DST: variants seen among roughly 807,000 people sequenced by gnomAD.
The protein encoded by DST is bullous pemphigoid antigen.
DST carries 253 observed loss-of-function variants against 875.2 expected under a neutral mutation model. That is an observed-to-expected ratio of 0.29 (90% CI 0.26 to 0.32). The LOEUF (loss-of-function observed/expected upper bound fraction) is 0.32, where lower values mean the gene tolerates loss of function less well. Ranked by LOEUF, DST falls within the 10% of genes least tolerant of loss-of-function variation. DST has a pLI of 1.00. For missense variants in DST, 8,287 were observed against 9,111.6 expected (o/e 0.91, Z 3.68); for synonymous variants, 3,124 against 3,197.1 (o/e 0.98, Z 0.77).
intron 3 of DST, among the ~76,000 whole-genome samples, chr6:56,900,017 C>T (rs996729621): frequency 6.6e-6 from 1 of 151,118 alleles, no homozygotes; most frequent in South Asian, 2.1e-4. Context: ...TGCTACTGCC[C>T]AAGACTCCAG....
intron 2 of DST, among the ~76,000 whole-genome samples, chr6:56,910,009 T>G (rs1798176339): frequency 6.6e-6 from 1 of 152,220 alleles, no homozygotes; most frequent in South Asian, 2.1e-4. Flanking sequence ...TCAGAGAGAA[T>G]GTATTCCCTG....
intron 4 of DST, among the ~76,000 whole-genome samples, chr6:56,780,675 T>C (rs1162342360): frequency 2.0e-5 from 3 of 151,560 alleles, no homozygotes; most frequent in Admixed American, 6.6e-5. Flanking sequence ...ATTTTGTAGG[T>C]TGCCTGTTCA....
intron 22 of DST, chr6:56,638,930 G>A: frequency 2.8e-6 from 1 of 361,248 alleles, no homozygotes; most frequent in South Asian, 2.8e-5. Flanking sequence ...GGAAAATGAG[G>A]CTTGGCAATA....
chr6:56,593,561 TCCTGTTTTGGATTTTAGGTTTCTTGC>T, intron 48 of DST, 76 bp downstream of exon 48: 1 of 778,562 alleles, frequency 1.3e-6, no homozygotes, highest in Middle Eastern at 2.6e-4. Flanking sequence ...TACCTTTTCC[TCCTGTTTTGGATTTTAGGTTTCTTGC>T]CTCTTGTTCC....
At chr6:56,757,983 A>G (rs3002009) in intron 4 of DST, among the ~76,000 whole-genome samples, 38,219 of 152,180 alleles carry the variant, frequency 0.25, 6,592 homozygotes, top group African/African-American at 0.49. Context: ...ATGCTTTCCA[A>G]CAAACCTACT....
intron 2 of DST, among the ~76,000 whole-genome samples, chr6:56,932,505 G>A (rs969430699): frequency 1.3e-5 from 2 of 152,094 alleles, no homozygotes; most frequent in Non-Finnish European, 2.9e-5. Context: ...AGGCAGCCGG[G>A]AGGCAAGAGA....
At chr6:56,517,115 G>A in intron 71 of DST, 83 bp downstream of exon 71, 1 of 976,664 alleles carries the variant, frequency 1.0e-6, no homozygotes, top group South Asian at 1.4e-5. Context: ...GTGGATAACG[G>A]AGAAGTGTTT....
At chr6:56,527,131 T>C (rs527499107) in intron 68 of DST, among the ~76,000 whole-genome samples, 3 of 152,308 alleles carry the variant, frequency 2.0e-5, no homozygotes, top group East Asian at 1.9e-4. Flanking sequence ...ACGTTTGTGA[T>C]ATAATTAGAA....
chr6:56,644,881 A>G (rs1320667528), intron 15 of DST, among the ~76,000 whole-genome samples: 3 of 152,170 alleles, frequency 2.0e-5, no homozygotes, highest in Non-Finnish European at 2.9e-5. Context: ...TCATGTGTCA[A>G]GTGTGGGGCC....
chr6:56,882,445 CA>C (rs1782664379), intron 3 of DST, among the ~76,000 whole-genome samples: 1 of 152,226 alleles, frequency 6.6e-6, no homozygotes, highest in African/African-American at 2.4e-5. Flanking sequence ...ATAAAATTCA[CA>C]GATAATTCTA....
At chr6:56,501,946 T>C (rs2096142059) in intron 78 of DST, among the ~76,000 whole-genome samples, 1 of 152,136 alleles carries the variant, frequency 6.6e-6, no homozygotes, top group Non-Finnish European at 1.5e-5. Context: ...CATTTCATTT[T>C]GTTCTCTACA....
rs1004166955 is a variant in DST, at chr6:56,602,057, T to C, written c.11308-381A>G. ...ATTTACAACATCCATGTAATTGTGGTAAGATATAAATAATACTTTGAGGGA... is the reference window on the plus strand; with the variant it reads ...ATTTACAACATCCATGTAATTGTGGCAAGATATAAATAATACTTTGAGGGA... On this transcript the variant is annotated intron_variant, in intron 43 of 103. Coordinates refer to ENST00000680361, the MANE Select transcript of DST (RefSeq NM_001374736.1). 9.9e-6 allele frequency: 4 copies of C among 404,404 alleles called. No individual in the cohort carries two copies. The Admixed American group carries it at 1.4e-4, about 15-fold the overall frequency. The allele number at this position is 404,404 out of a possible 1,614,324, so 25.1% of individuals were successfully genotyped here. A position where few individuals can be genotyped will look rare whatever the true frequency, so the allele number is the denominator to read the frequency against.
At chr6:56,796,286 CAAGA>C (rs1462693864) in intron 4 of DST, among the ~76,000 whole-genome samples, 1 of 152,090 alleles carries the variant, frequency 6.6e-6, no homozygotes, top group Non-Finnish European at 1.5e-5. Context: ...GAAAGTCATG[CAAGA>C]AAGAAACAGT....
intron 5 of DST, among the ~76,000 whole-genome samples, chr6:56,706,758 T>C (rs2099341125): frequency 6.6e-6 from 1 of 152,060 alleles, no homozygotes; most frequent in South Asian, 2.1e-4. Flanking sequence ...CCCCAGCACT[T>C]TGGAGGCCAA....
Position 56,482,950 on chromosome 6 carries a change from T to C in DST, c.21208-73A>G, listed in dbSNP as rs552878162. ...ACAGCAACACATACTGTTTGAGATA[T>C]ATATGTGCACATAACATCATGTAAA... On this transcript the variant is annotated intron_variant, in intron 88 of 103. Transcript: ENST00000680361. The C allele has an allele frequency of 1.9e-4, 220 of 1,179,616 alleles. 4 individuals carry two copies. The South Asian group carries it at 2.2e-3, about 12-fold the overall frequency. The allele number at this position is 1,179,616 out of a possible 1,614,324, so 73.1% of individuals were successfully genotyped here. A position where few individuals can be genotyped will look rare whatever the true frequency, so the allele number is the denominator to read the frequency against.
chr6:56,665,179 T>A (rs914240517), intron 10 of DST, among the ~76,000 whole-genome samples: 2 of 152,200 alleles, frequency 1.3e-5, no homozygotes, highest in Non-Finnish European at 2.9e-5. Flanking sequence ...CTTAAGTTGT[T>A]ATGAGTTGTT....
At chr6:56,512,456 G>A (rs986536733) in intron 72 of DST, among the ~76,000 whole-genome samples, 2 of 152,190 alleles carry the variant, frequency 1.3e-5, no homozygotes, top group African/African-American at 4.8e-5. Flanking sequence ...CCTCTGTGCA[G>A]CATTGAGGGG....
rs199503654 is a variant in DST at position 56,734,885 on chromosome 6, G to GA, written c.687+342dup. On this transcript the variant is annotated intron_variant, in intron 5 of 103. Coordinates refer to ENST00000680361, the MANE Select transcript of DST (RefSeq NM_001374736.1). The stretch of plus-strand genomic sequence containing the variant: ...AGAACTTGGTTTGAATCTTGAGAGA[G>GA]AAAAAAAATCTTACTAAGAAATGTA... Among the ~76,000 whole-genome samples the GA allele has an allele frequency of 7.8e-3, 1,192 of 151,894 alleles. 16 individuals are homozygous for GA. The highest frequency in any genetic ancestry group is 0.027 in the African/African-American group (1,127 of 41,402).
chr6:56,668,752 G>A (rs2099084742), intron 10 of DST, among the ~76,000 whole-genome samples: 2 of 151,534 alleles, frequency 1.3e-5, no homozygotes, highest in Admixed American at 6.6e-5. Context: ...GGGGCAACAA[G>A]AACAAAATTC....
Sources: gnomAD v4.1 joint callset for allele counts (sites outside exome capture counted in the v4.1 genomes callset) on GRCh38, gnomAD v4.1.1 for gene constraint, MANE v1.5 for transcripts, NCBI Gene and HGNC (gene_info 2026-07-23, HGNC 2026-07-21) for gene names.